Variants in GRID2 observed in about 807,000 individuals in gnomAD.
GRID2 encodes glutamate receptor ionotropic, delta-2.
Under a neutral mutation model 114.8 loss-of-function variants are expected in GRID2, and 33 were observed. The ratio of observed to expected loss-of-function variants is 0.29; its 90% CI spans 0.22 to 0.38. The LOEUF (loss-of-function observed/expected upper bound fraction) is 0.38. GRID2 is among the 10% of genes least tolerant of loss of function. The pLI is 1.00. For missense variants in GRID2, 1,184 were observed against 1,257.7 expected (o/e 0.94, Z 0.89); for synonymous variants, 505 against 449.9 (o/e 1.12, Z -1.55).
chr4:93,018,238 A>C (rs1198147348), intron 2 of GRID2, among the ~76,000 whole-genome samples: 1 of 136,464 alleles, frequency 7.3e-6, no homozygotes, highest in Non-Finnish European at 1.6e-5. Context: ...AAAAAAAAAA[A>C]CCTACAAGGA....
chr4:93,114,498 C>T (rs745499171), intron 4 of GRID2, among the ~76,000 whole-genome samples: 2 of 152,012 alleles, frequency 1.3e-5, no homozygotes, highest in African/African-American at 4.8e-5. Flanking sequence ...CTTTTATAAT[C>T]ACTGATTTTA....
intron 2 of GRID2, among the ~76,000 whole-genome samples, chr4:92,649,657 C>A (rs1731827012): frequency 6.6e-6 from 1 of 151,966 alleles, no homozygotes; most frequent in Non-Finnish European, 1.5e-5. Flanking sequence ...TTTCCTTGAA[C>A]CATACTTAAT....
intron 2 of GRID2, among the ~76,000 whole-genome samples, chr4:92,908,399 T>C (rs1223815955): frequency 1.3e-5 from 2 of 152,088 alleles, no homozygotes; most frequent in Non-Finnish European, 2.9e-5. Context: ...TCTTATTTTG[T>C]AGTAGCACAA....
intron 14 of GRID2, among the ~76,000 whole-genome samples, chr4:93,745,668 G>C (rs1731782050): frequency 1.3e-5 from 2 of 152,226 alleles, no homozygotes; most frequent in South Asian, 4.1e-4. Context: ...GCCAGTGTGA[G>C]CTTCTCTTTC....
At chr4:93,760,143 C>T (rs910079866) in intron 14 of GRID2, among the ~76,000 whole-genome samples, 14 of 152,056 alleles carry the variant, frequency 9.2e-5, no homozygotes, top group African/African-American at 3.1e-4. Context: ...TTGAAGTGAT[C>T]AATCAGTCAA....
chr4:92,713,488 T>C (rs1346149065), intron 2 of GRID2, among the ~76,000 whole-genome samples: 38 of 120,412 alleles, frequency 3.2e-4, no homozygotes, highest in African/African-American at 8.8e-4. Context: ...TATATATATA[T>C]ATATATATAT....
chr4:93,608,210 A>T (rs1460813909), intron 13 of GRID2, among the ~76,000 whole-genome samples: 1 of 147,762 alleles, frequency 6.8e-6, no homozygotes, highest in South Asian at 2.1e-4. Flanking sequence ...CCTTATATGT[A>T]TTACATATGC....
At chr4:92,420,871 GAT>G (rs1468430940) in intron 1 of GRID2, among the ~76,000 whole-genome samples, 8 of 152,080 alleles carry the variant, frequency 5.3e-5, no homozygotes, top group Non-Finnish European at 1.2e-4. Flanking sequence ...TTTCAGAAGA[GAT>G]AGTGTTTTCA....
intron 13 of GRID2, among the ~76,000 whole-genome samples, chr4:93,549,102 A>AT (rs995986966): frequency 4.8e-4 from 71 of 146,554 alleles, no homozygotes; most frequent in African/African-American, 1.9e-3. Context: ...ACAATGCAGC[A>AT]TTTTAAAAAA....
At chr4:93,692,615 G>A (rs955427434) in intron 14 of GRID2, among the ~76,000 whole-genome samples, 1 of 151,988 alleles carries the variant, frequency 6.6e-6, no homozygotes, top group Non-Finnish European at 1.5e-5. Flanking sequence ...ATATCATTTA[G>A]GCCATTGTGT....
At chr4:92,414,243 G>A (rs2110308724) in intron 1 of GRID2, among the ~76,000 whole-genome samples, 1 of 152,228 alleles carries the variant, frequency 6.6e-6, no homozygotes. Context: ...CTTACAGTGA[G>A]AAGAGAAAAC....
intron 2 of GRID2, among the ~76,000 whole-genome samples, chr4:92,873,339 G>A (rs1420696369): frequency 1.3e-5 from 2 of 151,984 alleles, no homozygotes; most frequent in South Asian, 2.1e-4. Context: ...TAAATCAAGT[G>A]TCTTAAGGAA....
At position 92,452,280 on chromosome 4, in the gene GRID2, G is replaced by T. The variant is rs147141793; in HGVS notation, c.89-137851G>T. 4.0e-4 allele frequency among the ~76,000 whole-genome samples: 61 copies of T among 151,302 alleles called. No individual in the cohort carries two copies. In the East Asian group the frequency reaches 9.3e-3, roughly 23 times the overall value. Reference sequence around the variant, plus strand: ...AATGTCAACATTGCCTTTCTGTCATGCTTTGGTTAGCAAATTTAGCAAGGG... The same window carrying T: ...AATGTCAACATTGCCTTTCTGTCATTCTTTGGTTAGCAAATTTAGCAAGGG... On this transcript the variant is annotated intron_variant, in intron 1 of 15. Coordinates refer to ENST00000282020, the MANE Select transcript of GRID2 (RefSeq NM_001510.4).
At position 92,718,014 on chromosome 4, in the gene GRID2, TTA is replaced by T. The variant is rs987351929; in HGVS notation, c.244+127730_244+127731del. On this transcript the variant is annotated intron_variant, in intron 2 of 15. Transcript: ENST00000282020. Reference sequence around the variant, plus strand: ...CAAAATTATAGTATATTTACTAAATTTATGTTTGTCTAAAAATATATATTACT... The same window carrying T: ...CAAAATTATAGTATATTTACTAAATTTGTTTGTCTAAAAATATATATTACT... 4.6e-5 allele frequency among the ~76,000 whole-genome samples: 7 copies of T among 152,198 alleles called. No individual in the cohort carries two copies. The East Asian group carries it at 1.2e-3, about 25-fold the overall frequency.
chr4:92,987,127 A>AT (rs1166709086), intron 2 of GRID2, among the ~76,000 whole-genome samples: 1 of 152,192 alleles, frequency 6.6e-6, no homozygotes, highest in African/African-American at 2.4e-5. Context: ...TCAAGTACTG[A>AT]TTTTTTGCCA....
chr4:93,800,658 G>C (rs1175551797), intron 1 of GRID2, among the ~76,000 whole-genome samples: 1 of 152,114 alleles, frequency 6.6e-6, no homozygotes, highest in Non-Finnish European at 1.5e-5. Context: ...ACTTGCATGG[G>C]TAGTTATAAA....
At chr4:93,233,088 G>GT (rs1222610808) in intron 7 of GRID2, among the ~76,000 whole-genome samples, 2 of 151,976 alleles carry the variant, frequency 1.3e-5, no homozygotes, top group Non-Finnish European at 2.9e-5. Context: ...AAAATGAAGA[G>GT]TATTCCAGGA....
chr4:93,423,033 G>C, intron 10 of GRID2, 65 bp downstream of exon 10: 5 of 1,095,928 alleles, frequency 4.6e-6, no homozygotes, highest in Non-Finnish European at 6.9e-6. Context: ...ATACCTAAAG[G>C]TTCAACAGTA....
intron 13 of GRID2, among the ~76,000 whole-genome samples, chr4:93,589,392 T>C (rs904077117): frequency 6.6e-6 from 1 of 151,982 alleles, no homozygotes; most frequent in African/African-American, 2.4e-5. Context: ...TCATCATTTT[T>C]TATGGCTGCA....
Sources: gnomAD v4.1 joint callset for allele counts (sites outside exome capture counted in the v4.1 genomes callset) on GRCh38, gnomAD v4.1.1 for gene constraint, MANE v1.5 for transcripts, NCBI Gene and HGNC (gene_info 2026-07-23, HGNC 2026-07-21) for gene names.